Variants in ACBD6 observed in about 807,000 individuals in gnomAD.
The protein encoded by ACBD6 is acyl-CoA-binding domain-containing protein 6.
In ACBD6, 28 loss-of-function variants were observed where a neutral mutation model predicts 37.2. The ratio of observed to expected loss-of-function variants is 0.75; its 90% CI spans 0.56 to 1.03. The LOEUF is 1.03. Ranked by LOEUF, ACBD6 falls within the 50% of genes least tolerant of loss-of-function variation. ACBD6 has a pLI of 0.00. For missense variants in ACBD6, 340 were observed against 337.4 expected (o/e 1.01, Z -0.06); for synonymous variants, 113 against 126.8 (o/e 0.89, Z 0.73).
chr1:180,417,073 C>G (rs927368756), intron 4 of ACBD6, among the ~76,000 whole-genome samples: 5 of 152,110 alleles, frequency 3.3e-5, no homozygotes, highest in Admixed American at 3.3e-4. Context: ...CCAATATCTA[C>G]AAAGATAAAA....
intron 3 of ACBD6, among the ~76,000 whole-genome samples, chr1:180,450,123 T>C (rs1207170017): frequency 2.0e-5 from 3 of 151,976 alleles, no homozygotes; most frequent in Non-Finnish European, 4.4e-5. Flanking sequence ...CATAACAGAA[T>C]GTATAAAAAA....
chr1:180,435,237 C>G (rs759753785), intron 3 of ACBD6: 2 of 663,644 alleles, frequency 3.0e-6, no homozygotes, highest in Non-Finnish European at 2.9e-6. Context: ...CGAGGGCTGG[C>G]TGGCCGGCTA....
chr1:180,432,117 G>T (rs1648835767), intron 3 of ACBD6, among the ~76,000 whole-genome samples: 1 of 151,478 alleles, frequency 6.6e-6, no homozygotes. Flanking sequence ...TGAAGCACAA[G>T]AATTGCTTCA....
downstream of ACBD6, among the ~76,000 whole-genome samples, chr1:180,285,079 T>G (rs1649441031): frequency 6.6e-6 from 1 of 152,082 alleles, no homozygotes; most frequent in African/African-American, 2.4e-5. Context: ...AAGTCTGCAG[T>G]GAGCTATAAT....
intron 6 of ACBD6, among the ~76,000 whole-genome samples, chr1:180,370,843 T>A (rs753535547): frequency 1.3e-5 from 2 of 149,542 alleles, no homozygotes; most frequent in African/African-American, 2.4e-5. Flanking sequence ...CAATTTGCCA[T>A]CAGAGAGGAG....
chr1:180,394,981 C>T (rs1654206212), intron 6 of ACBD6, among the ~76,000 whole-genome samples: 1 of 152,110 alleles, frequency 6.6e-6, no homozygotes, highest in African/African-American at 2.4e-5. Context: ...CAATGGGAAA[C>T]TGAGGAAAAG....
At chr1:180,480,054 A>C (rs1650964931) in intron 3 of ACBD6, among the ~76,000 whole-genome samples, 2 of 152,188 alleles carry the variant, frequency 1.3e-5, no homozygotes, top group Admixed American at 6.5e-5. Context: ...TGGAATCTAA[A>C]ATAAAAGATG....
chr1:180,390,686 T>C (rs1032776727), intron 6 of ACBD6, among the ~76,000 whole-genome samples: 10 of 152,200 alleles, frequency 6.6e-5, no homozygotes, highest in Admixed American at 6.5e-5. Flanking sequence ...CATCGAGCAG[T>C]GGTTTGTAGT....
At chr1:180,485,856 A>G (rs918523474) in intron 3 of ACBD6, among the ~76,000 whole-genome samples, 1 of 152,170 alleles carries the variant, frequency 6.6e-6, no homozygotes, top group African/African-American at 2.4e-5. Flanking sequence ...AATGCTTTTA[A>G]TGAATTATAC....
intron 6 of ACBD6, chr1:180,326,630 T>C (rs1651268308): frequency 6.6e-6 from 1 of 152,272 alleles, no homozygotes; most frequent in Non-Finnish European, 1.5e-5. Flanking sequence ...AGTCTTTTAC[T>C]GTAGCTACCA....
Position 180,451,978 on chromosome 1 carries a change from T to A in ACBD6, c.385-21716A>T, listed in dbSNP as rs978616254. 2.6e-5 allele frequency among the ~76,000 whole-genome samples: 4 copies of A among 152,218 alleles called. No individual in the cohort carries two copies. In the South Asian group the frequency reaches 8.3e-4, roughly 31 times the overall value. On this transcript the variant is annotated intron_variant, in intron 3 of 7. Transcript: ENST00000367595. Reference sequence around the variant, plus strand: ...TATACTTTCAGGGGTCATTTCTATCTGAACAACCTGCTCCTGAATGACTAA... The same window carrying A: ...TATACTTTCAGGGGTCATTTCTATCAGAACAACCTGCTCCTGAATGACTAA...
At chr1:180,442,127 C>G (rs1649304936) in intron 3 of ACBD6, among the ~76,000 whole-genome samples, 1 of 152,188 alleles carries the variant, frequency 6.6e-6, no homozygotes, top group African/African-American at 2.4e-5. Context: ...TGCTGTAGTT[C>G]TACCTTGTTT....
chr1:180,371,670 A>C (rs1041989909), intron 6 of ACBD6, among the ~76,000 whole-genome samples: 5 of 152,172 alleles, frequency 3.3e-5, no homozygotes, highest in Non-Finnish European at 7.4e-5. Context: ...GTTTGGTCAT[A>C]AGAGGTAGGG....
At chr1:180,418,751 C>T (rs1020205022) in intron 4 of ACBD6, among the ~76,000 whole-genome samples, 1 of 152,134 alleles carries the variant, frequency 6.6e-6, no homozygotes, top group African/African-American at 2.4e-5. Flanking sequence ...CTGTTTTTGA[C>T]TCTCAATCTT....
At chr1:180,318,163 G>GGCCC (rs1650891756) in intron 6 of ACBD6, among the ~76,000 whole-genome samples, 3 of 31,418 alleles carry the variant, frequency 9.5e-5, no homozygotes, top group Non-Finnish European at 1.6e-4. Flanking sequence ...TTCCATCTCC[G>GGCCC]CCCCCCCCCC....
In ACBD6 at chr1:180,397,591, A is replaced by C; in HGVS notation, c.588T>G (p.Leu196=). 1 of 1,613,928 alleles carries C rather than the reference A, an allele frequency of 6.2e-7. No individual in the cohort carries two copies. The highest frequency in any genetic ancestry group is 2.2e-5 in the East Asian group (1 of 44,870). ...NVKDEEGRAL[L]HWACDRGHKE... is the part of the protein sequence containing the mutation. ...TATGTCCTCGATCACAGGCCCAGTG[A>C]AGTAGAGCCCTACCCTAAAAACACA... Residue 196 remains leucine (L), a synonymous_variant, in exon 6 of 8, where the codon CTT becomes CTG. Coordinates refer to ENST00000367595, the MANE Select transcript of ACBD6 (RefSeq NM_032360.4).
intron 6 of ACBD6, among the ~76,000 whole-genome samples, chr1:180,362,120 T>G (rs1652876004): frequency 6.6e-6 from 1 of 152,176 alleles, no homozygotes; most frequent in Non-Finnish European, 1.5e-5. Flanking sequence ...ATCCATTCCC[T>G]AGCTCCCCAC....
At chr1:180,304,171 G>A (rs1396366899) in intron 7 of ACBD6, among the ~76,000 whole-genome samples, 2 of 150,718 alleles carry the variant, frequency 1.3e-5, no homozygotes, top group Non-Finnish European at 3.0e-5. Context: ...GCAAAACCTG[G>A]AACCATTCCC....
intron 9 of ACBD6, among the ~76,000 whole-genome samples, chr1:180,279,168 C>CTGAT (rs1269451482): frequency 2.0e-5 from 3 of 152,184 alleles, no homozygotes; most frequent in Non-Finnish European, 2.9e-5. Context: ...CAATAAAGGA[C>CTGAT]TGATTAGAGG....
Sources: allele counts gnomAD v4.1 joint callset (sites outside exome capture counted in the v4.1 genomes callset), GRCh38; gene constraint gnomAD v4.1.1; transcripts MANE v1.5; gene names NCBI Gene and HGNC (gene_info 2026-07-23, HGNC 2026-07-21).